Variants in NIPAL3 observed in about 807,000 individuals in gnomAD.
The protein encoded by NIPAL3 is NIPA-like protein 3.
Under a neutral mutation model 47.2 loss-of-function variants are expected in NIPAL3, and 41 were observed. The observed-to-expected ratio is 0.87, with a 90% CI of 0.68 to 1.13. The LOEUF (loss-of-function observed/expected upper bound fraction) is 1.13. Ranked by LOEUF, NIPAL3 falls within the 50% of genes most tolerant of loss-of-function variation. The probability of loss-of-function intolerance (pLI) is 0.00; values close to 1 mark genes in which losing one functional copy is unlikely to be tolerated. For synonymous variants in NIPAL3, 194 were observed against 209.6 expected (o/e 0.93, Z 0.64); for missense variants, 449 against 530.1 (o/e 0.85, Z 1.50).
chr1:24,417,564 A>G (rs1570152184), intron 1 of NIPAL3, among the ~76,000 whole-genome samples: 1 of 152,214 alleles, frequency 6.6e-6, no homozygotes, highest in Non-Finnish European at 1.5e-5. Context: ...TGGGATGTGA[A>G]TTACCTGATA....
rs11808194 is a variant in NIPAL3 at position 24,454,437 on chromosome 1, G to A, written c.637+933G>A. 7,723 of 1,004,792 alleles carry A rather than the reference G, an allele frequency of 7.7e-3. 294 individuals carry two copies. In the African/African-American group the frequency reaches 0.097, roughly 13 times the overall value. The allele number at this position is 1,004,792 out of a possible 1,614,324, so 62.2% of individuals were successfully genotyped here. On this transcript the variant is annotated intron_variant, in intron 7 of 11. Transcript: ENST00000374399. The surrounding 1 kb of genome is among the most constrained non-coding windows in gnomAD (Gnocchi z 4.1). ...GTGGGGGTTAAATGAGATGTGCACAGGTGGCTAATATGTGCATTTTTCTTC... is the reference window on the plus strand; with the variant it reads ...GTGGGGGTTAAATGAGATGTGCACAAGTGGCTAATATGTGCATTTTTCTTC...
intron 2 of NIPAL3, among the ~76,000 whole-genome samples, chr1:24,420,705 A>G (rs921588524): frequency 6.6e-6 from 1 of 152,188 alleles, no homozygotes; most frequent in Admixed American, 6.5e-5. Context: ...GTCATCAAGT[A>G]GTGACTGAAA....
At chr1:24,443,508 G>A (rs889032975) in intron 4 of NIPAL3, among the ~76,000 whole-genome samples, 5 of 152,190 alleles carry the variant, frequency 3.3e-5, no homozygotes, top group Admixed American at 1.3e-4. Context: ...GGCAGACATC[G>A]TTAATCAATC....
chr1:24,442,004 A>AT lies in NIPAL3; in HGVS notation c.163-44dup, dbSNP rs746311898. ...GGATTTAGGGTACCTACATCATAGC[A>AT]TTTTTTTCCCCAAACATCTGAGCAA... On this transcript the variant is annotated intron_variant, in intron 3 of 11. Transcript: ENST00000374399. 39 of 1,588,234 alleles carry AT rather than the reference A, an allele frequency of 2.5e-5. No homozygotes were observed. The Admixed American group carries it at 2.9e-4, about 12-fold the overall frequency.
intron 2 of NIPAL3, among the ~76,000 whole-genome samples, chr1:24,435,613 T>C (rs1645065287): frequency 6.6e-6 from 1 of 152,240 alleles, no homozygotes; most frequent in South Asian, 2.1e-4. Context: ...CCCATGATGC[T>C]ATTGTCACAA....
At chr1:24,457,018 C>T (rs908529213) in intron 8 of NIPAL3, among the ~76,000 whole-genome samples, 15 of 152,138 alleles carry the variant, frequency 9.9e-5, no homozygotes, top group African/African-American at 3.6e-4. Flanking sequence ...CCACCTTGGC[C>T]TCCAAAGTAC....
At chr1:24,428,518 G>A (rs2235555) in intron 2 of NIPAL3, among the ~76,000 whole-genome samples, 35,338 of 151,984 alleles carry the variant, frequency 0.23, 4,657 homozygotes, top group East Asian at 0.45. Context: ...GACCTGGCTG[G>A]GTTCCCCACT....
chr1:24,470,814 CT>C lies in NIPAL3; in HGVS notation c.*1630del, dbSNP rs2148873821. On this transcript the variant is annotated 3_prime_UTR_variant, in exon 12 of 12. Coordinates refer to ENST00000374399, the MANE Select transcript of NIPAL3 (RefSeq NM_020448.5). ...CTTCTGTATTGCGTCTTAACCACTT[CT>C]GTATTGTGTGGTCTTAACTGCCTAA... The C allele has an allele frequency of 6.6e-6, 1 of 152,362 alleles. No homozygotes were observed. Among genetic ancestry groups the C allele is most frequent in the East Asian group, 1.9e-4 (1 of 5,188 alleles). The allele number at this position is 152,362 out of a possible 1,614,324, so 9.4% of individuals were successfully genotyped here.
At chr1:24,463,984 T>A in intron 10 of NIPAL3, 42 bp from the exon 11 acceptor site, 1 of 1,554,166 alleles carries the variant, frequency 6.4e-7, no homozygotes. Context: ...CCGACCTTGC[T>A]CCTGGCCTTA....
At chr1:24,441,618 C>G (rs1290304044) in intron 3 of NIPAL3, among the ~76,000 whole-genome samples, 3 of 152,230 alleles carry the variant, frequency 2.0e-5, no homozygotes, top group Admixed American at 1.3e-4. Context: ...GCCGAACACA[C>G]AGTCATCCAA....
chr1:24,420,295 A>G (rs1570166652), intron 2 of NIPAL3, among the ~76,000 whole-genome samples: 1 of 152,130 alleles, frequency 6.6e-6, no homozygotes, highest in Non-Finnish European at 1.5e-5. Flanking sequence ...TGAGGCCAGA[A>G]GTTTGAAACC....
intron 9 of NIPAL3, among the ~76,000 whole-genome samples, chr1:24,460,026 C>T (rs1049278161): frequency 6.6e-6 from 1 of 152,164 alleles, no homozygotes; most frequent in South Asian, 2.1e-4. Flanking sequence ...TTAGAAAGCT[C>T]TAACAGCATA....
At chr1:24,445,344 C>A in intron 5 of NIPAL3, 100 bp downstream of exon 5, 2 of 819,122 alleles carry the variant, frequency 2.4e-6, no homozygotes, top group South Asian at 1.6e-5. Flanking sequence ...CTGCCTCCTG[C>A]TGTCCTCTGT....
chr1:24,438,885 G>A (rs1244231102), intron 2 of NIPAL3, among the ~76,000 whole-genome samples: 1 of 116,880 alleles, frequency 8.6e-6, no homozygotes, highest in Non-Finnish European at 1.9e-5. Flanking sequence ...CTATAGTGTG[G>A]TTTAAATGCT....
intron 2 of NIPAL3, chr1:24,432,971 C>T (rs114576256): frequency 6.6e-6 from 1 of 152,314 alleles, no homozygotes; most frequent in African/African-American, 2.4e-5. Flanking sequence ...ATGACTCTAA[C>T]TATGATAGCT....
chr1:24,441,366 C>A, intron 3 of NIPAL3, among the ~76,000 whole-genome samples: 1 of 152,216 alleles, frequency 6.6e-6, no homozygotes, highest in East Asian at 1.9e-4. Context: ...GGTTGTTTAT[C>A]TGCTTCTGGG....
At chr1:24,439,930 G>A (rs577429817) in intron 2 of NIPAL3, among the ~76,000 whole-genome samples, 1 of 152,368 alleles carries the variant, frequency 6.6e-6, no homozygotes, top group South Asian at 2.1e-4. Flanking sequence ...TTTAGACCTT[G>A]TCAGGTCAGT....
rs1644029294 is a variant in NIPAL3 at position 24,416,319 on chromosome 1, G to A, written c.-258+415G>A. On this transcript the variant is annotated intron_variant, in intron 1 of 11. Coordinates refer to ENST00000374399, the MANE Select transcript of NIPAL3 (RefSeq NM_020448.5). The surrounding 1 kb of genome is among the most constrained non-coding windows in gnomAD (Gnocchi z 4.8). Reference sequence around the variant, plus strand: ...CGAGTTGTAAGTTTCCAGCTCAGTGGGACGGGACGGAAGAATGTAACCTTC... The same window carrying A: ...CGAGTTGTAAGTTTCCAGCTCAGTGAGACGGGACGGAAGAATGTAACCTTC... 3 of 985,446 alleles carry A rather than the reference G, an allele frequency of 3.0e-6. No individual in the cohort carries two copies. The highest frequency in any genetic ancestry group is 3.6e-6 in the Non-Finnish European group (3 of 829,954). 61.0% of individuals were successfully genotyped at this position (985,446 alleles called of 1,614,324 possible).
intron 5 of NIPAL3, among the ~76,000 whole-genome samples, chr1:24,446,098 GTGTGTGTGTT>G (rs2148818377): frequency 6.6e-6 from 1 of 151,620 alleles, no homozygotes; most frequent in South Asian, 2.1e-4. Flanking sequence ...GTGTGTGTGT[GTGTGTGTGTT>G]GTGGGAGGGG....
Sources: allele counts gnomAD v4.1 joint callset (sites outside exome capture counted in the v4.1 genomes callset), GRCh38; gene constraint gnomAD v4.1.1; non-coding constraint Gnocchi (gnomAD v3.1); transcripts MANE v1.5; gene names NCBI Gene and HGNC (gene_info 2026-07-23, HGNC 2026-07-21).